SLC16A8: variants seen among roughly 807,000 people sequenced by gnomAD.
SLC16A8 encodes monocarboxylate transporter 3.
SLC16A8 carries 20 observed loss-of-function variants against 22.4 expected under a neutral mutation model. That is an observed-to-expected ratio of 0.89 (90% CI 0.63 to 1.30). The LOEUF (loss-of-function observed/expected upper bound fraction) is 1.30. Among genes scored for constraint, SLC16A8 ranks in the 50% most tolerant of loss-of-function variants. The probability of loss-of-function intolerance (pLI) is 0.00; values close to 1 mark genes in which losing one functional copy is unlikely to be tolerated. For synonymous variants in SLC16A8, 393 were observed against 358.8 expected, an observed-to-expected ratio of 1.10 and a Z score of -1.08; for missense variants, 817 against 740.3, an observed-to-expected ratio of 1.10 and a Z score of -1.20.
rs146918615 is a variant in SLC16A8 at position 38,080,939 on chromosome 22, C to T, written c.1099G>A (p.Val367Met). ...GGCGCGCCCACAGCCGCCATGAGCACCTCGAACTGCAGCGCGCCCACCATG... is the reference window on the plus strand; with the variant it reads ...GGCGCGCCCACAGCCGCCATGAGCATCTCGAACTGCAGCGCGCCCACCATG... ...YGMVGALQFE[V>M]LMAAVGAPRF... The change falls in exon 5 of 6, where the codon GTG becomes ATG. Residue 367 changes from valine to methionine, a missense_variant. Transcript: ENST00000681075. 5 of 1,585,732 alleles carry T rather than the reference C, an allele frequency of 3.2e-6. No individual in the cohort carries two copies. Among genetic ancestry groups the T allele is most frequent in the Non-Finnish European group, 4.3e-6 (5 of 1,171,962 alleles).
chr22:38,079,260 T>A (rs1194692693), intron 5 of SLC16A8, among the ~76,000 whole-genome samples: 1 of 152,166 alleles, frequency 6.6e-6, no homozygotes, highest in Admixed American at 6.5e-5. Flanking sequence ...AGATACTACT[T>A]TCAAACTCAG....
At position 38,081,027 on chromosome 22, in the gene SLC16A8, G is replaced by A; in HGVS notation, c.1011C>T (p.Ser337=). 7 of 1,595,710 alleles carry A rather than the reference G, an allele frequency of 4.4e-6. No individual in the cohort carries two copies. The highest frequency in any genetic ancestry group is 5.9e-6 in the Non-Finnish European group (7 of 1,176,894). Residue 337 remains serine (S), a synonymous_variant, in exon 5 of 6, where the codon AGC becomes AGT. Transcript: ENST00000681075. ...GGGCGCCGTAGGAGCGCGCGCGTGCGCTGCTCAGGTCTGTGAGCCCATTGG... is the reference window on the plus strand; with the variant it reads ...GGGCGCCGTAGGAGCGCGCGCGTGCACTGCTCAGGTCTGTGAGCCCATTGG... ...LLANGLTDLS[S]ARARSYGALV... is the part of the protein sequence containing the mutation.
At position 38,082,875 on chromosome 22, in the gene SLC16A8, G is replaced by C. The variant is rs1442631019; in HGVS notation, c.-2C>G. The C allele has an allele frequency of 5.9e-6, 9 of 1,531,436 alleles. No homozygotes were observed. In the Admixed American group the frequency reaches 1.6e-4, roughly 27 times the overall value. The allele number at this position is 1,531,436 out of a possible 1,614,324, so 94.9% of individuals were successfully genotyped here. A position where few individuals can be genotyped will look rare whatever the true frequency, so the allele number is the denominator to read the frequency against. On this transcript the variant is annotated 5_prime_UTR_variant, in exon 3 of 6. Coordinates refer to ENST00000681075, the MANE Select transcript of SLC16A8 (RefSeq NM_013356.3). ...CCGCCGGGGGCCGCCAGCGCCCATC[G>C]CTGCCTCTGTTGGGAGGGGGCGGGG...
At position 38,081,448 on chromosome 22, in the gene SLC16A8, G is replaced by T; in HGVS notation, c.590C>A (p.Pro197Gln). ...GCGCGGTCGCGGGCCCGGCCCGGGCGGCGGCCTCATGACAGCCCCGCAGGC... is the reference window on the plus strand; with the variant it reads ...GCGCGGTCGCGGGCCCGGCCCGGGCTGCGGCCTCATGACAGCCCCGCAGGC... ...CCACGAVMRP[P>Q]PGPGPRPRRD... Residue 197 changes from proline to glutamine, a missense_variant, in exon 5 of 6, where the codon CCG (proline) becomes CAG (glutamine). Physicochemically the swap from Pro to Gln is moderately conservative, Grantham distance 76 (BLOSUM62 -1). Coordinates refer to ENST00000681075, the MANE Select transcript of SLC16A8 (RefSeq NM_013356.3). The T allele has an allele frequency of 7.8e-7, 1 of 1,287,712 alleles. No homozygotes were observed. The highest frequency in any genetic ancestry group is 9.8e-7 in the Non-Finnish European group (1 of 1,025,178). The allele number at this position is 1,287,712 out of a possible 1,614,324, so 79.8% of individuals were successfully genotyped here.
rs754590943 is a variant in SLC16A8 at position 38,081,146 on chromosome 22, C to G, written c.892G>C (p.Val298Leu). The G allele has an allele frequency of 4.1e-5, 64 of 1,546,670 alleles. No individual in the cohort carries two copies. Among genetic ancestry groups the G allele is most frequent in the Non-Finnish European group, 5.4e-5 (62 of 1,145,430 alleles). The change falls in exon 5 of 6, where the codon GTG becomes CTG. Residue 298 changes from valine (V) to leucine (L), a missense_variant. By Grantham distance (32) the Val-to-Leu change is conservative (BLOSUM62 1). Transcript: ENST00000681075. ...AAFLLSIVGF[V>L]DIVARPACGA... ...CACGCCGGGCGCGCCACGATGTCCA[C>G]GAAGCCCACGATGGACAGCAGGAAG...
At chr22:38,079,572 C>T (rs2145895705) in intron 5 of SLC16A8, among the ~76,000 whole-genome samples, 1 of 152,296 alleles carries the variant, frequency 6.6e-6, no homozygotes, top group Admixed American at 6.5e-5. Context: ...GAGGTGCACG[C>T]CACCACACCT....
rs1453765643 is a variant in SLC16A8, at chr22:38,081,197, C to T, written c.841G>A (p.Ala281Thr). The T allele has an allele frequency of 1.3e-6, 2 of 1,561,166 alleles. No individual in the cohort carries two copies. Among genetic ancestry groups the T allele is most frequent in the African/African-American group, 2.7e-5 (2 of 73,498 alleles). ...GCGGCGTCGGTGTCGGGCACGCCCG[C>T]GTCCTTGGCGTAGTTCACCAGCAGG... ...AILLVNYAKDAGVPDTDAAFL... is the reference protein window; with the variant it reads ...AILLVNYAKDTGVPDTDAAFL... The change falls in exon 5 of 6, where the codon GCG becomes ACG. Residue 281 changes from alanine (A) to threonine (T), a missense_variant. By Grantham distance (58) the Ala-to-Thr change is moderately conservative. Coordinates refer to ENST00000681075, the MANE Select transcript of SLC16A8 (RefSeq NM_013356.3).
Position 38,081,132 on chromosome 22 carries a change from C to A in SLC16A8, c.906G>T (p.Ala302=). ...LSIVGFVDIV[A]RPACGALAGL... is the part of the protein sequence containing the mutation. ...CCGCCAGGGCGCCGCACGCCGGGCG[C>A]GCCACGATGTCCACGAAGCCCACGA... Residue 302 remains alanine (A), a synonymous_variant, in exon 5 of 6, where the codon GCG becomes GCT. Transcript: ENST00000681075. 3.9e-6 allele frequency: 6 copies of A among 1,543,478 alleles called. No homozygotes were observed. Among genetic ancestry groups the A allele is most frequent in the Non-Finnish European group, 5.2e-6 (6 of 1,144,892 alleles).
At chr22:38,083,537 G>T (rs769249838) in intron 1 of SLC16A8, among the ~76,000 whole-genome samples, 176 bp from the exon 2 acceptor site, 2 of 152,092 alleles carry the variant, frequency 1.3e-5, no homozygotes, top group Non-Finnish European at 2.9e-5. Context: ...TGATCACCCC[G>T]AGGCCAGCTG....
At chr22:38,081,849 G>A (rs750291204) in intron 4 of SLC16A8, 40 bp downstream of exon 4, 27 of 1,563,582 alleles carry the variant, frequency 1.7e-5, no homozygotes, top group Non-Finnish European at 2.3e-5. Context: ...AAGAACCCCC[G>A]ACCCCCAACC....
chr22:38,082,072 G>C, intron 3 of SLC16A8, 40 bp from the exon 4 acceptor site: 2 of 1,543,140 alleles, frequency 1.3e-6, no homozygotes, highest in Non-Finnish European at 1.7e-6. Context: ...TCCCGGGATG[G>C]CTTGAGTCCT....
chr22:38,081,163 A>G lies in SLC16A8; in HGVS notation c.875T>C (p.Leu292Pro). The G allele has an allele frequency of 1.3e-6, 2 of 1,552,502 alleles. No homozygotes were observed. The highest frequency in any genetic ancestry group is 1.7e-6 in the Non-Finnish European group (2 of 1,147,962). Residue 292 changes from leucine (L) to proline (P), a missense_variant, in exon 5 of 6, where the codon CTG (leucine) becomes CCG (proline). Leu to Pro is a moderately conservative substitution (Grantham distance 98, BLOSUM62 -3). Transcript: ENST00000681075. ...GVPDTDAAFL[L>P]SIVGFVDIVA... Reference sequence around the variant, plus strand: ...GATGTCCACGAAGCCCACGATGGACAGCAGGAAGGCGGCGTCGGTGTCGGG... The same window carrying G: ...GATGTCCACGAAGCCCACGATGGACGGCAGGAAGGCGGCGTCGGTGTCGGG...
At chr22:38,080,718 A>G in intron 5 of SLC16A8, 122 bp downstream of exon 5, 1 of 1,311,206 alleles carries the variant, frequency 7.6e-7, no homozygotes, top group Non-Finnish European at 1.0e-6. Context: ...CGTGAAGGGG[A>G]GTCCACCCAC....
chr22:38,081,430 C>A lies in SLC16A8; in HGVS notation c.608G>T (p.Arg203Leu). ...GTCGCCGGCGCTGTCCCTGCGCGGT[C>A]GCGGGCCCGGCCCGGGCGGCGGCCT... ...VMRPPPGPGP[R>L]PRRDSAGDRA... Residue 203 changes from arginine (R) to leucine (L), a missense_variant, in exon 5 of 6, where the codon CGA becomes CTA. By Grantham distance (102) the Arg-to-Leu change is moderately radical (BLOSUM62 -2). Transcript: ENST00000681075. The A allele has an allele frequency of 1.5e-6, 2 of 1,290,760 alleles. No individual in the cohort carries two copies. Among genetic ancestry groups the A allele is most frequent in the South Asian group, 5.1e-5 (2 of 39,316 alleles). 80.0% of individuals were successfully genotyped at this position (1,290,760 alleles called of 1,614,324 possible). A position where few individuals can be genotyped will look rare whatever the true frequency, so the allele number is the denominator to read the frequency against.
At position 38,078,239 on chromosome 22, in the gene SLC16A8, C is replaced by T; in HGVS notation, c.*149G>A. 1.4e-6 allele frequency: 1 copy of T among 730,414 alleles called. No individual in the cohort carries two copies. Among genetic ancestry groups the T allele is most frequent in the Non-Finnish European group, 2.3e-6 (1 of 441,298 alleles). 45.2% of individuals were successfully genotyped at this position (730,414 alleles called of 1,614,324 possible). On this transcript the variant is annotated 3_prime_UTR_variant, in exon 6 of 6. Transcript: ENST00000681075. ...GAACTTGGGGCACAGATGAGGGAGG[C>T]AGTTCCCAGACACCCAGGGGATCAA...
In SLC16A8 at chr22:38,081,491, G is replaced by A. The variant is rs937816515; in HGVS notation, c.547C>T (p.Leu183Phe). ...CCGCAGGCGCAGCAGTGCAGCAGGA[G>A]CCCGCCGAGCAGCAGGAAGCCGCCG... ...WRGGFLLLGG[L>F]LLHCCACGAV... The change falls in exon 5 of 6, where the codon CTC (leucine) becomes TTC (phenylalanine). Residue 183 changes from leucine (L) to phenylalanine (F), a missense_variant. By Grantham distance (22) the Leu-to-Phe change is conservative. Coordinates refer to ENST00000681075, the MANE Select transcript of SLC16A8 (RefSeq NM_013356.3). 9 of 1,399,910 alleles carry A rather than the reference G, an allele frequency of 6.4e-6. No homozygotes were observed. Among genetic ancestry groups the A allele is most frequent in the African/African-American group, 4.6e-5 (3 of 65,592 alleles). 86.7% of individuals were successfully genotyped at this position (1,399,910 alleles called of 1,614,324 possible). A position where few individuals can be genotyped will look rare whatever the true frequency, so the allele number is the denominator to read the frequency against.
In SLC16A8 at chr22:38,081,614, G is replaced by A. The variant is rs1213259102; in HGVS notation, c.424C>T (p.Arg142Trp). 1 of 1,520,116 alleles carries A rather than the reference G, an allele frequency of 6.6e-7. No homozygotes were observed. The highest frequency in any genetic ancestry group is 2.6e-5 in the East Asian group (1 of 38,164). 94.2% of individuals were successfully genotyped at this position (1,520,116 alleles called of 1,614,324 possible). Reference sequence around the variant, plus strand: ...GCCGCCAGCCCGTTGGCCAGAGGCCGCCGCCGCTCGAAGTACAGCCCCAGC... The same window carrying A: ...GCCGCCAGCCCGTTGGCCAGAGGCCACCGCCGCTCGAAGTACAGCCCCAGC... ...IMLGLYFERR[R>W]PLANGLAAAG... The change falls in exon 5 of 6, where the codon CGG (arginine) becomes TGG (tryptophan). Residue 142 changes from arginine (R) to tryptophan (W), a missense_variant. Arg to Trp is a moderately radical substitution (Grantham distance 101). Coordinates refer to ENST00000681075, the MANE Select transcript of SLC16A8 (RefSeq NM_013356.3).
In SLC16A8 at chr22:38,081,895, G is replaced by A. The variant is rs1336853155; in HGVS notation, c.352C>T (p.Leu118Phe). The change falls in exon 4 of 6, where the codon CTC (leucine) becomes TTC (phenylalanine). Residue 118 changes from leucine to phenylalanine, a missense_variant. By Grantham distance (22) the Leu-to-Phe change is conservative (BLOSUM62 0). Coordinates refer to ENST00000681075, the MANE Select transcript of SLC16A8 (RefSeq NM_013356.3). The stretch of plus-strand genomic sequence containing the variant: ...GAGACCAGGGGGCCCTCACCTGTGA[G>A]CACCCCAGCGGTCAGGTAGAGCTCC... ...LLELYLTAGVLTGLGLALNFQ... is the reference protein window; with the variant it reads ...LLELYLTAGVFTGLGLALNFQ... The A allele has an allele frequency of 2.5e-6, 4 of 1,592,942 alleles. No homozygotes were observed. The South Asian group carries it at 3.4e-5, about 14-fold the overall frequency.
Position 38,082,844 on chromosome 22 carries a change from C to G in SLC16A8, c.30G>C (p.Glu10Asp). 6.4e-7 allele frequency: 1 copy of G among 1,561,764 alleles called. No individual in the cohort carries two copies. Among genetic ancestry groups the G allele is most frequent in the Non-Finnish European group, 8.6e-7 (1 of 1,158,638 alleles). Reference protein sequence around the residue: MGAGGPRRGEGPPDGGWGWV... With the variant: MGAGGPRRGDGPPDGGWGWV... ...AGCCCCAGCCGCCGTCTGGGGGGCC[C>G]TCGCCCCGCCGGGGGCCGCCAGCGC... Residue 10 changes from glutamate to aspartate, a missense_variant, in exon 3 of 6, where the codon GAG becomes GAC. By Grantham distance (45) the Glu-to-Asp change is conservative. Coordinates refer to ENST00000681075, the MANE Select transcript of SLC16A8 (RefSeq NM_013356.3).
Sources: gnomAD v4.1 joint callset for allele counts (sites outside exome capture counted in the v4.1 genomes callset) on GRCh38, gnomAD v4.1.1 for gene constraint, MANE v1.5 for transcripts, NCBI Gene and HGNC (gene_info 2026-07-23, HGNC 2026-07-21) for gene names.